ATPAF2: variants seen among roughly 807,000 people sequenced by gnomAD.
ATPAF2 encodes ATP12 homolog.
In ATPAF2, 30 loss-of-function variants were observed where a neutral mutation model predicts 36.6. The observed-to-expected ratio is 0.82, with a 90% CI of 0.61 to 1.11. The LOEUF is 1.11. Ranked by LOEUF, ATPAF2 falls within the 50% of genes most tolerant of loss-of-function variation. ATPAF2 has a pLI of 0.00. For synonymous variants in ATPAF2, 140 were observed against 152.6 expected, an observed-to-expected ratio of 0.92 and a Z score of 0.61; for missense variants, 321 against 372.3, an observed-to-expected ratio of 0.86 and a Z score of 1.13.
At chr17:18,016,720 C>A, downstream of ATPAF2, 1 of 1,292,440 alleles carries the variant, frequency 7.7e-7, no homozygotes, top group Non-Finnish European at 1.1e-6. Flanking sequence ...CCAGCCCCAG[C>A]CAGGAGAAGG....
chr17:18,018,609 G>A lies in ATPAF2; in HGVS notation c.810C>T (p.Thr270=). 1.2e-6 allele frequency: 2 copies of A among 1,614,002 alleles called. No homozygotes were observed. Among genetic ancestry groups the A allele is most frequent in the South Asian group, 1.1e-5 (1 of 91,074 alleles). ...TCTCGGAGCAGAGATGGATGAAGAGGGTGCCGGCGGCGGTGCGGGCCCGCA... is the reference window on the plus strand; with the variant it reads ...TCTCGGAGCAGAGATGGATGAAGAGAGTGCCGGCGGCGGTGCGGGCCCGCA... The part of the protein sequence containing the change: ...QELRARTAAG[T]LFIHLCSEST... The change falls in exon 8 of 8, where the codon ACC becomes ACT. Residue 270 remains threonine, a synonymous_variant. Transcript: ENST00000474627.
At chr17:18,033,972 A>T (rs892230747) in intron 1 of ATPAF2, among the ~76,000 whole-genome samples, 20 of 151,976 alleles carry the variant, frequency 1.3e-4, no homozygotes, top group African/African-American at 4.8e-4. Flanking sequence ...TACAAAAATT[A>T]GCCAGGCATG....
intron 1 of ATPAF2, among the ~76,000 whole-genome samples, chr17:18,029,226 C>T (rs769911645): frequency 6.6e-6 from 1 of 152,212 alleles, no homozygotes; most frequent in Non-Finnish European, 1.5e-5. Context: ...CAAACATTTC[C>T]TTCAAGAATG....
intron 4 of ATPAF2, 182 bp downstream of exon 4, chr17:18,026,137 T>C (rs907495259): frequency 1.0e-5 from 7 of 680,940 alleles, no homozygotes; most frequent in African/African-American, 7.0e-5. Flanking sequence ...TCTGACACCA[T>C]TGTAGCCCGA....
intron 3 of ATPAF2, 146 bp downstream of exon 3, chr17:18,028,086 G>C (rs1260837292): frequency 1.1e-6 from 1 of 927,162 alleles, no homozygotes; most frequent in East Asian, 2.4e-5. Flanking sequence ...AGTTTAGCAC[G>C]TTAGTGACTT....
intron 6 of ATPAF2, 114 bp from the exon 7 acceptor site, chr17:18,021,352 C>T (rs2145487351): frequency 4.9e-6 from 4 of 811,966 alleles, no homozygotes; most frequent in East Asian, 2.7e-5. Flanking sequence ...AAAGAGCCAT[C>T]CAGCGATTGT....
intron 1 of ATPAF2, among the ~76,000 whole-genome samples, chr17:18,032,770 G>A (rs1045120531): frequency 2.0e-5 from 3 of 151,912 alleles, no homozygotes; most frequent in East Asian, 1.9e-4. Flanking sequence ...CACGTGGAAC[G>A]ATTAGTCAGA....
chr17:18,023,226 T>G (rs1343908591), intron 5 of ATPAF2, among the ~76,000 whole-genome samples: 1 of 150,952 alleles, frequency 6.6e-6, no homozygotes, highest in African/African-American at 2.4e-5. Flanking sequence ...AGGTCAGGAG[T>G]TCGAGACCAG....
chr17:18,035,957 C>A (rs147095426), intron 1 of ATPAF2, among the ~76,000 whole-genome samples: 6 of 152,340 alleles, frequency 3.9e-5, no homozygotes, highest in Admixed American at 3.3e-4. Context: ...CAGCCAGATA[C>A]GCTGAATAGA....
At chr17:18,021,091 G>C (rs752332262) in intron 7 of ATPAF2, 32 bp downstream of exon 7, 6 of 1,598,770 alleles carry the variant, frequency 3.8e-6, no homozygotes, top group Admixed American at 1.7e-5. Context: ...AACTAGGAAG[G>C]GGGAGGCGGG....
intron 1 of ATPAF2, among the ~76,000 whole-genome samples, chr17:18,036,178 G>A (rs1209977718): frequency 2.0e-5 from 3 of 152,132 alleles, no homozygotes. Flanking sequence ...CAATCAGCTT[G>A]CTGACTGAAG....
At position 18,039,124 on chromosome 17, in the gene ATPAF2, T is replaced by G. The variant is rs1294192156; in HGVS notation, c.-111A>C. The G allele has an allele frequency of 2.8e-6, 4 of 1,448,172 alleles. No homozygotes were observed. Among genetic ancestry groups the G allele is most frequent in the Non-Finnish European group, 3.8e-6 (4 of 1,065,082 alleles). The allele number at this position is 1,448,172 out of a possible 1,614,324, so 89.7% of individuals were successfully genotyped here. On this transcript the variant is annotated 5_prime_UTR_variant, in exon 1 of 8. Coordinates refer to ENST00000474627, the MANE Select transcript of ATPAF2 (RefSeq NM_145691.4). The surrounding 1 kb of genome is among the most constrained non-coding windows in gnomAD (Gnocchi z 5.3). ...GGCTGTACGGAAACCTCTCAACGCCTCCTCAGAGCCCTCAACCTCCCTTGG... is the reference window on the plus strand; with the variant it reads ...GGCTGTACGGAAACCTCTCAACGCCGCCTCAGAGCCCTCAACCTCCCTTGG...
chr17:18,026,077 C>A lies in ATPAF2; in HGVS notation c.422+242G>T. On this transcript the variant is annotated intron_variant, in intron 4 of 7. Transcript: ENST00000474627. ...CACCTGCAAGAGCTGCATAACCACC[C>A]TCCCAGCCTAAGGAGCAGCTTCTGG... 3 of 593,592 alleles carry A rather than the reference C, an allele frequency of 5.1e-6. No individual in the cohort carries two copies. The South Asian group carries it at 5.7e-5, about 11-fold the overall frequency. The allele number at this position is 593,592 out of a possible 1,614,324, so 36.8% of individuals were successfully genotyped here.
At chr17:18,025,056 A>G in intron 4 of ATPAF2, 1 of 370,490 alleles carries the variant, frequency 2.7e-6, no homozygotes, top group Non-Finnish European at 5.2e-6. Context: ...CAAGCTTGCC[A>G]CACTGTTACT....
chr17:18,016,867 T>G, downstream of ATPAF2: 1 of 389,512 alleles, frequency 2.6e-6, no homozygotes. Context: ...ACATTTCCCC[T>G]ACTCATAAAA....
At chr17:18,017,588 TG>T (rs2044403353), downstream of ATPAF2, among the ~76,000 whole-genome samples, 2 of 152,126 alleles carry the variant, frequency 1.3e-5, no homozygotes, top group Non-Finnish European at 2.9e-5. Flanking sequence ...CCCGCAGCCC[TG>T]GTGTCATCTG....
intron 4 of ATPAF2, chr17:18,025,332 G>A (rs2044528241): frequency 1.2e-5 from 2 of 163,228 alleles, no homozygotes. Context: ...CCATTTGTTT[G>A]ACCAAGAGAC....
intron 4 of ATPAF2, 109 bp downstream of exon 4, chr17:18,026,210 T>C (rs1245622607): frequency 8.9e-7 from 1 of 1,118,202 alleles, no homozygotes; most frequent in Admixed American, 1.7e-5. Context: ...GCCACCTTCC[T>C]TGTCCTTGCA....
chr17:18,016,815 T>C, downstream of ATPAF2: 3 of 485,640 alleles, frequency 6.2e-6, no homozygotes, highest in Non-Finnish European at 1.1e-5. Flanking sequence ...CCCCCACCCC[T>C]GGAAAAACTT....
Sources: allele counts gnomAD v4.1 joint callset (sites outside exome capture counted in the v4.1 genomes callset), GRCh38; gene constraint gnomAD v4.1.1; non-coding constraint Gnocchi (gnomAD v3.1); transcripts MANE v1.5; gene names NCBI Gene and HGNC (gene_info 2026-07-23, HGNC 2026-07-21).